TAB1: variants seen among roughly 807,000 people sequenced by gnomAD.
TAB1 encodes TGF-beta activated kinase 1 (MAP3K7) binding protein 1.
A neutral mutation model predicts 54.5 loss-of-function variants in TAB1; 30 were observed. The ratio of observed to expected loss-of-function variants is 0.55; its 90% confidence interval spans 0.41 to 0.75. The LOEUF (loss-of-function observed/expected upper bound fraction) is 0.75. TAB1 is among the 30% of genes least tolerant of loss of function. The probability of loss-of-function intolerance (pLI) is 0.00; values close to 1 mark genes in which losing one functional copy is unlikely to be tolerated. For missense variants in TAB1, 609 were observed against 683.2 expected, an observed-to-expected ratio of 0.89 and a Z score of 1.21; for synonymous variants, 289 against 286.9, an observed-to-expected ratio of 1.01 and a Z score of -0.07.
intron 10 of TAB1, 186 bp from the exon 11 acceptor site, chr22:39,429,829 G>A (rs901657814): frequency 1.0e-6 from 1 of 985,292 alleles, no homozygotes; most frequent in African/African-American, 1.7e-5. Flanking sequence ...TGCATCTGGT[G>A]CTTTAAAATT....
At chr22:39,414,268 T>C (rs1350002648) in intron 1 of TAB1, among the ~76,000 whole-genome samples, 4 of 152,054 alleles carry the variant, frequency 2.6e-5, no homozygotes, top group Non-Finnish European at 5.9e-5. Context: ...GGTGTTCATG[T>C]GGAGGCAAAG....
At chr22:39,409,759 T>TA (rs900259951) in intron 1 of TAB1, among the ~76,000 whole-genome samples, 1 of 152,166 alleles carries the variant, frequency 6.6e-6, no homozygotes, top group Non-Finnish European at 1.5e-5. Flanking sequence ...TGTGTCCCAT[T>TA]ACCATGGTGT....
intron 1 of TAB1, among the ~76,000 whole-genome samples, chr22:39,413,685 A>G (rs1024999990): frequency 6.6e-6 from 1 of 152,228 alleles, no homozygotes; most frequent in South Asian, 2.1e-4. Flanking sequence ...TCAGCTTCCC[A>G]AAGTGCTGGG....
In TAB1 at chr22:39,415,672, A is replaced by G. The variant is rs774419254; in HGVS notation, c.324+19A>G. ...GCTGCAGGTAATGGTGCCGGGGCCAACAGTGACCCAGCCACATCATGTCCC... is the reference window on the plus strand; with the variant it reads ...GCTGCAGGTAATGGTGCCGGGGCCAGCAGTGACCCAGCCACATCATGTCCC... On this transcript the variant is annotated intron_variant, in intron 3 of 10. Coordinates refer to ENST00000216160, the MANE Select transcript of TAB1 (RefSeq NM_006116.3). The surrounding 1 kb of genome is among the most constrained non-coding windows in gnomAD (Gnocchi z 4.9). The G allele has an allele frequency of 1.3e-6, 2 of 1,599,174 alleles. No individual in the cohort carries two copies. Among genetic ancestry groups the G allele is most frequent in the Non-Finnish European group, 1.7e-6 (2 of 1,176,176 alleles).
At position 39,430,966 on chromosome 22, in the gene TAB1, G is replaced by A; in HGVS notation, c.*744G>A. The A allele has an allele frequency of 1.0e-6, 1 of 986,902 alleles. No homozygotes were observed. Among genetic ancestry groups the A allele is most frequent in the Non-Finnish European group, 1.2e-6 (1 of 830,956 alleles). The allele number at this position is 986,902 out of a possible 1,614,324, so 61.1% of individuals were successfully genotyped here. The stretch of plus-strand genomic sequence containing the variant: ...CTGGCCCCGGTGGGCTGAGGCAGGG[G>A]CCGCTGTCGTCAGGCCTGAGCCAGG... On this transcript the variant is annotated 3_prime_UTR_variant, in exon 11 of 11. Transcript: ENST00000216160.
chr22:39,429,566 C>T (rs898482670), intron 10 of TAB1, among the ~76,000 whole-genome samples: 1 of 152,230 alleles, frequency 6.6e-6, no homozygotes, highest in Non-Finnish European at 1.5e-5. Flanking sequence ...CAACCTCTGC[C>T]TCCCAGGTTC....
chr22:39,426,321 TACA>T (rs1455581517), intron 8 of TAB1, among the ~76,000 whole-genome samples: 7 of 152,360 alleles, frequency 4.6e-5, no homozygotes, highest in African/African-American at 1.7e-4. Context: ...TAACATCGCC[TACA>T]ACAAGTTTGT....
intron 7 of TAB1, among the ~76,000 whole-genome samples, 161 bp downstream of exon 7, chr22:39,419,791 A>G (rs1292159454): frequency 6.6e-6 from 1 of 152,022 alleles, no homozygotes; most frequent in East Asian, 1.9e-4. Context: ...TGTCTCAAAA[A>G]AAAAAAAAGG....
intron 1 of TAB1, among the ~76,000 whole-genome samples, chr22:39,401,720 T>G (rs902906374): frequency 6.6e-6 from 1 of 152,196 alleles, no homozygotes; most frequent in African/African-American, 2.4e-5. Context: ...TTAAACACAT[T>G]GCATCTTGGT....
At chr22:39,408,663 C>T (rs918952742) in intron 1 of TAB1, among the ~76,000 whole-genome samples, 1 of 152,046 alleles carries the variant, frequency 6.6e-6, no homozygotes, top group African/African-American at 2.4e-5. Flanking sequence ...CCACCACACC[C>T]GGTTAATTTT....
chr22:39,416,122 G>T (rs569848702), intron 3 of TAB1, among the ~76,000 whole-genome samples: 2 of 152,238 alleles, frequency 1.3e-5, no homozygotes, highest in South Asian at 4.1e-4. Flanking sequence ...TTTCCTCCTG[G>T]CATCTGCTTT....
intron 1 of TAB1, 86 bp downstream of exon 1, chr22:39,399,921 T>C: frequency 7.0e-7 from 1 of 1,420,932 alleles, no homozygotes; most frequent in South Asian, 1.2e-5. Flanking sequence ...CTTCTCCGAG[T>C]TTGGACAGCC....
chr22:39,426,165 T>C (rs935625178), intron 8 of TAB1, among the ~76,000 whole-genome samples: 3 of 152,346 alleles, frequency 2.0e-5, no homozygotes, highest in Admixed American at 1.3e-4. Context: ...GGTCAACTTA[T>C]GATATTTTCA....
chr22:39,414,630 T>C, intron 1 of TAB1: 1 of 214,898 alleles, frequency 4.7e-6, no homozygotes. Context: ...CTCAAGGGAT[T>C]TCTTTGTAGT....
At position 39,431,530 on chromosome 22, in the gene TAB1, G is replaced by A. The variant is rs5757669; in HGVS notation, c.*1308G>A. Reference sequence around the variant, plus strand: ...GACTAGCCGCTGTCGCACAGCCTCTGGGGTGCTTGGTCTCTGCGAAGTCAA... The same window carrying A: ...GACTAGCCGCTGTCGCACAGCCTCTAGGGTGCTTGGTCTCTGCGAAGTCAA... On this transcript the variant is annotated 3_prime_UTR_variant, in exon 11 of 11. Transcript: ENST00000216160. 114 of 985,550 alleles carry A rather than the reference G, an allele frequency of 1.2e-4. No individual in the cohort carries two copies. The East Asian group carries it at 6.0e-3, about 52-fold the overall frequency. 61.1% of individuals were successfully genotyped at this position (985,550 alleles called of 1,614,324 possible). A position where few individuals can be genotyped will look rare whatever the true frequency, so the allele number is the denominator to read the frequency against.
chr22:39,416,744 A>G, intron 3 of TAB1, 47 bp from the exon 4 acceptor site: 1 of 1,560,256 alleles, frequency 6.4e-7, no homozygotes. Context: ...GGCACCAGTG[A>G]CAGTGGTGTT....
At chr22:39,436,468 G>A, downstream of TAB1, 1 of 1,599,172 alleles carries the variant, frequency 6.3e-7, no homozygotes, top group Non-Finnish European at 8.6e-7. Flanking sequence ...CATGTGTCAT[G>A]AAGTTTCCTC....
At chr22:39,400,061 C>G (rs1926065905) in intron 1 of TAB1, among the ~76,000 whole-genome samples, 1 of 152,150 alleles carries the variant, frequency 6.6e-6, no homozygotes, top group African/African-American at 2.4e-5. Flanking sequence ...CTGTGGGCTG[C>G]TGCTGCCGGG....
At chr22:39,432,485 C>G (rs1376612447), downstream of TAB1, 1 of 152,420 alleles carries the variant, frequency 6.6e-6, no homozygotes, top group Non-Finnish European at 1.5e-5. Context: ...CAGAGGGTCC[C>G]GGATGTCCCC....
Sources: gnomAD v4.1 joint callset for allele counts (sites outside exome capture counted in the v4.1 genomes callset) on GRCh38, gnomAD v4.1.1 for gene constraint, Gnocchi (gnomAD v3.1) non-coding constraint, MANE v1.5 for transcripts, NCBI Gene and HGNC (gene_info 2026-07-23, HGNC 2026-07-21) for gene names.